Variants in FMNL2 observed in about 807,000 individuals in gnomAD.
FMNL2 encodes the protein formin like 2, also known as formin-like protein 2.
FMNL2 carries 51 observed loss-of-function variants against 130.2 expected under a neutral mutation model. That is an observed-to-expected ratio of 0.39 (90% CI 0.31 to 0.49). FMNL2 has a LOEUF of 0.49. Among genes scored for constraint, FMNL2 ranks in the 20% least tolerant of loss-of-function variants. The pLI is 0.85. For synonymous variants in FMNL2, 465 were observed against 467.1 expected, an observed-to-expected ratio of 1.00 and a Z score of 0.06; for missense variants, 977 against 1,316.2, an observed-to-expected ratio of 0.74 and a Z score of 3.99.
At chr2:152,384,480 G>T (rs1684672280) in intron 1 of FMNL2, among the ~76,000 whole-genome samples, 1 of 152,132 alleles carries the variant, frequency 6.6e-6, no homozygotes, top group Non-Finnish European at 1.5e-5. Context: ...TCAGCTGGTG[G>T]GGAGATATGG....
intron 1 of FMNL2, among the ~76,000 whole-genome samples, chr2:152,422,820 A>G (rs1686990038): frequency 6.6e-6 from 1 of 152,180 alleles, no homozygotes; most frequent in South Asian, 2.1e-4. Context: ...GAGCCACCGC[A>G]ACCGGCCTTG....
At chr2:152,600,358 C>G (rs1007393160) in intron 9 of FMNL2, among the ~76,000 whole-genome samples, 1 of 152,186 alleles carries the variant, frequency 6.6e-6, no homozygotes, top group Non-Finnish European at 1.5e-5. Context: ...ATATAACTAA[C>G]CCAGAAGCAT....
chr2:152,647,111 G>T (rs1036799344), intron 25 of FMNL2, among the ~76,000 whole-genome samples: 16 of 148,568 alleles, frequency 1.1e-4, no homozygotes, highest in African/African-American at 3.8e-4. Context: ...CACTTCTCAG[G>T]AGGCTGAGGT....
At chr2:152,607,934 A>G (rs1370497) in intron 10 of FMNL2, among the ~76,000 whole-genome samples, 65,356 of 151,722 alleles carry the variant, frequency 0.43, 15,264 homozygotes, top group East Asian at 0.82. Flanking sequence ...CTGTGAGGGT[A>G]TAATCATATT....
At chr2:152,622,311 A>C (rs1227697020) in intron 15 of FMNL2, among the ~76,000 whole-genome samples, 3 of 152,200 alleles carry the variant, frequency 2.0e-5, no homozygotes, top group Non-Finnish European at 4.4e-5. Flanking sequence ...ACTACGATGA[A>C]ATAATTTTTT....
At chr2:152,432,664 T>C (rs1687559139) in intron 1 of FMNL2, among the ~76,000 whole-genome samples, 1 of 152,210 alleles carries the variant, frequency 6.6e-6, no homozygotes, top group Non-Finnish European at 1.5e-5. Context: ...CTGTCAGTTG[T>C]TATAAATAAA....
chr2:152,359,988 G>A (rs1683067128), intron 1 of FMNL2, among the ~76,000 whole-genome samples: 1 of 152,178 alleles, frequency 6.6e-6, no homozygotes, highest in African/African-American at 2.4e-5. Context: ...TAGTGAGAGT[G>A]GAGGGCCTGG....
At chr2:152,424,685 A>T (rs542950878) in intron 1 of FMNL2, among the ~76,000 whole-genome samples, 1 of 151,282 alleles carries the variant, frequency 6.6e-6, no homozygotes, top group Middle Eastern at 3.5e-3. Context: ...CACCACTCCT[A>T]GCCCGGGCCT....
At chr2:152,504,146 G>A (rs1352769573) in intron 1 of FMNL2, among the ~76,000 whole-genome samples, 3 of 152,180 alleles carry the variant, frequency 2.0e-5, no homozygotes, top group African/African-American at 7.2e-5. Flanking sequence ...AGCCAAGATC[G>A]TGCCACTGCA....
At chr2:152,536,642 T>C (rs1333451769) in intron 2 of FMNL2, among the ~76,000 whole-genome samples, 2 of 152,216 alleles carry the variant, frequency 1.3e-5, no homozygotes, top group Non-Finnish European at 2.9e-5. Context: ...GTTCAAGCAG[T>C]TTATGTAGCT....
At chr2:152,395,337 A>G (rs569113573) in intron 1 of FMNL2, among the ~76,000 whole-genome samples, 5 of 152,342 alleles carry the variant, frequency 3.3e-5, no homozygotes, top group African/African-American at 7.2e-5. Flanking sequence ...ACAGCTTGCC[A>G]TCAAGTTCTA....
intron 1 of FMNL2, among the ~76,000 whole-genome samples, chr2:152,440,513 C>T (rs573391260): frequency 6.6e-6 from 1 of 152,234 alleles, no homozygotes; most frequent in African/African-American, 2.4e-5. Flanking sequence ...TTCCCTTTGC[C>T]TTAGAATAAA....
chr2:152,390,144 C>G, intron 1 of FMNL2: 2 of 1,257,536 alleles, frequency 1.6e-6, no homozygotes, highest in Non-Finnish European at 2.3e-6. Context: ...CGGGGCAGAC[C>G]TGCCCAATTA....
At chr2:152,536,974 G>A (rs1294573312) in intron 2 of FMNL2, among the ~76,000 whole-genome samples, 1 of 152,204 alleles carries the variant, frequency 6.6e-6, no homozygotes, top group Non-Finnish European at 1.5e-5. Flanking sequence ...GATCAGAAAT[G>A]CTAAGCTAGA....
intron 3 of FMNL2, among the ~76,000 whole-genome samples, chr2:152,546,773 C>G (rs1579932527): frequency 6.6e-6 from 1 of 152,070 alleles, no homozygotes; most frequent in Admixed American, 6.5e-5. Context: ...GCTGTGTGAC[C>G]AGAGACCCTA....
chr2:152,619,807 C>G, intron 15 of FMNL2, 89 bp downstream of exon 15: 2 of 1,526,582 alleles, frequency 1.3e-6, no homozygotes, highest in South Asian at 1.3e-5. Flanking sequence ...AAGTCCAGGT[C>G]TCTTGCAATG....
Position 152,495,049 on chromosome 2 carries a change from A to T in FMNL2, c.118-26894A>T, listed in dbSNP as rs547236884. On this transcript the variant is annotated intron_variant, in intron 1 of 25. Transcript: ENST00000288670. ...AAAAACTTTGCGTTGGGGAATACAC[A>T]TAACACCTGGAAACGCAGCGTTGGA... Among the ~76,000 whole-genome samples, 5 of 152,324 alleles carry T rather than the reference A, an allele frequency of 3.3e-5. 1 individual carries two copies. In the South Asian group the frequency reaches 1.0e-3, roughly 32 times the overall value.
At chr2:152,605,563 G>A (rs895740106) in intron 9 of FMNL2, among the ~76,000 whole-genome samples, 12 of 152,066 alleles carry the variant, frequency 7.9e-5, no homozygotes, top group Admixed American at 7.9e-4. Flanking sequence ...GGGCTCAAGC[G>A]ATCCTCCCGC....
chr2:152,428,813 G>T, intron 1 of FMNL2, among the ~76,000 whole-genome samples: 1 of 152,212 alleles, frequency 6.6e-6, no homozygotes, highest in Non-Finnish European at 1.5e-5. Flanking sequence ...TGGTGGGGTA[G>T]AAAGTGTTTC....
Sources: gnomAD v4.1 joint callset for allele counts (sites outside exome capture counted in the v4.1 genomes callset) on GRCh38, gnomAD v4.1.1 for gene constraint, MANE v1.5 for transcripts, NCBI Gene and HGNC (gene_info 2026-07-23, HGNC 2026-07-21) for gene names.